Variants in ADGRL3 observed in about 807,000 individuals in gnomAD.
The protein encoded by ADGRL3 is calcium-independent alpha-latrotoxin receptor 3.
In ADGRL3, 62 loss-of-function variants were observed where a neutral mutation model predicts 153.5. The ratio of observed to expected loss-of-function variants is 0.40; its 90% CI spans 0.33 to 0.50. The LOEUF is 0.50. Among genes scored for constraint, ADGRL3 ranks in the 20% least tolerant of loss-of-function variants. The pLI is 0.47. For missense variants in ADGRL3, 1,641 were observed against 1,859.4 expected (o/e 0.88, Z 2.16); for synonymous variants, 710 against 672.5 (o/e 1.06, Z -0.86).
rs79357631 is a variant in ADGRL3 at position 61,282,221 on chromosome 4, C to T, written c.-240+80456C>T. 2.6e-5 allele frequency among the ~76,000 whole-genome samples: 4 copies of T among 152,102 alleles called. No individual in the cohort carries two copies. The East Asian group carries it at 7.7e-4, about 29-fold the overall frequency. On this transcript the variant is annotated intron_variant, in intron 1 of 26. Coordinates refer to ENST00000683033, the MANE Select transcript of ADGRL3 (RefSeq NM_001387552.1). ...CTTCATGAGTAGTCTGTAAAGAATGCTATTTATATGCTTTCATTCTTTCTC... is the reference window on the plus strand; with the variant it reads ...CTTCATGAGTAGTCTGTAAAGAATGTTATTTATATGCTTTCATTCTTTCTC...
chr4:61,609,424 T>C (rs1167693004), intron 5 of ADGRL3, among the ~76,000 whole-genome samples: 2 of 152,128 alleles, frequency 1.3e-5, no homozygotes, highest in Non-Finnish European at 2.9e-5. Context: ...CATAAAGTCA[T>C]TTATGAGTAA....
intron 1 of ADGRL3, among the ~76,000 whole-genome samples, chr4:61,367,006 G>T (rs965014364): frequency 1.1e-4 from 16 of 152,110 alleles, no homozygotes; most frequent in Non-Finnish European, 1.9e-4. Flanking sequence ...GAATGAAAAT[G>T]ATTGTAAACA....
At chr4:61,514,807 C>T (rs895269249) in intron 3 of ADGRL3, among the ~76,000 whole-genome samples, 5 of 152,136 alleles carry the variant, frequency 3.3e-5, no homozygotes, top group African/African-American at 1.2e-4. Context: ...CTTTCTAGAT[C>T]CCTAAGAGTT....
Position 61,702,158 on chromosome 4 carries a change from C to T in ADGRL3, c.583+25223C>T, listed in dbSNP as rs188279611. 2.7e-3 allele frequency among the ~76,000 whole-genome samples: 408 copies of T among 152,234 alleles called. 11 individuals carry two copies. The highest frequency in any genetic ancestry group is 3.4e-3 in the Middle Eastern group (1 of 294). ...ATACCAGGCCATTCCTGTCAAATTT[C>T]GTTCTGCTAAATACTCCAGTTCCTT... On this transcript the variant is annotated intron_variant, in intron 6 of 26. Transcript: ENST00000683033.
intron 6 of ADGRL3, among the ~76,000 whole-genome samples, chr4:61,689,969 T>C (rs73825923): frequency 0.025 from 3,876 of 152,250 alleles, 102 homozygotes; most frequent in East Asian, 0.071. Context: ...AATTTGCTTT[T>C]ATGTTCACTA....
intron 5 of ADGRL3, among the ~76,000 whole-genome samples, chr4:61,593,901 T>G (rs2098979295): frequency 6.6e-6 from 1 of 152,086 alleles, no homozygotes; most frequent in East Asian, 1.9e-4. Context: ...CCCTTGTCTC[T>G]GTCTCTTTCT....
intron 25 of ADGRL3, among the ~76,000 whole-genome samples, chr4:62,058,385 A>G (rs576189211): frequency 3.0e-4 from 46 of 152,324 alleles, no homozygotes; most frequent in African/African-American, 1.1e-3. Flanking sequence ...TACTAAAATT[A>G]TAAGACTACT....
At chr4:61,279,417 C>G (rs1367425122) in intron 1 of ADGRL3, among the ~76,000 whole-genome samples, 2 of 152,130 alleles carry the variant, frequency 1.3e-5, no homozygotes, top group African/African-American at 2.4e-5. Context: ...TTCATCCATT[C>G]AAAATATGTT....
At chr4:61,209,503 A>G (rs1738890289) in intron 1 of ADGRL3, among the ~76,000 whole-genome samples, 2 of 152,178 alleles carry the variant, frequency 1.3e-5, no homozygotes, top group East Asian at 1.9e-4. Context: ...ATCAAATATC[A>G]TTTTCTTAAT....
intron 5 of ADGRL3, among the ~76,000 whole-genome samples, chr4:61,600,996 G>A (rs969993617): frequency 3.3e-5 from 5 of 151,940 alleles, no homozygotes; most frequent in Non-Finnish European, 4.4e-5. Flanking sequence ...GAAATTGGGG[G>A]CATTTTTTTT....
At chr4:61,891,139 G>A (rs113107611) in intron 9 of ADGRL3, among the ~76,000 whole-genome samples, 2 of 152,086 alleles carry the variant, frequency 1.3e-5, no homozygotes, top group African/African-American at 4.8e-5. Flanking sequence ...TTGCCATTTT[G>A]CTCTGCTACT....
intron 19 of ADGRL3, among the ~76,000 whole-genome samples, chr4:61,989,908 G>T (rs1457578945): frequency 6.6e-6 from 1 of 151,992 alleles, no homozygotes; most frequent in Admixed American, 6.6e-5. Context: ...CATTGTTGAA[G>T]ATGTGGAAAA....
At chr4:61,591,683 G>T (rs1410005170) in intron 5 of ADGRL3, among the ~76,000 whole-genome samples, 1 of 151,926 alleles carries the variant, frequency 6.6e-6, no homozygotes, top group Admixed American at 6.6e-5. Flanking sequence ...AATGTACAAA[G>T]TAGGAGTATT....
At chr4:61,871,279 G>GA (rs538933011) in intron 9 of ADGRL3, among the ~76,000 whole-genome samples, 11,466 of 124,718 alleles carry the variant, frequency 0.092, 507 homozygotes, top group African/African-American at 0.14. Context: ...CTCCATCTCA[G>GA]AAAAAAAAAA....
chr4:61,716,741 C>T (rs938157332), intron 6 of ADGRL3, among the ~76,000 whole-genome samples: 17 of 152,112 alleles, frequency 1.1e-4, no homozygotes, highest in Admixed American at 3.9e-4. Flanking sequence ...CCAAATCCTC[C>T]AAATGCATAA....
chr4:61,204,568 A>G (rs1237071430), intron 1 of ADGRL3, among the ~76,000 whole-genome samples: 2 of 152,154 alleles, frequency 1.3e-5, no homozygotes, highest in Non-Finnish European at 2.9e-5. Context: ...GTGTCAGTGT[A>G]TTGTGCTGTC....
intron 5 of ADGRL3, 36 bp from the exon 6 acceptor site, chr4:61,676,790 A>G (rs2150906897): frequency 1.5e-6 from 2 of 1,360,750 alleles, no homozygotes; most frequent in African/African-American, 1.4e-5. Context: ...AACTTTGCAT[A>G]AGCTTACTAC....
At chr4:61,553,538 G>A (rs2098750148) in intron 4 of ADGRL3, among the ~76,000 whole-genome samples, 1 of 152,044 alleles carries the variant, frequency 6.6e-6, no homozygotes, top group African/African-American at 2.4e-5. Context: ...CAGCCTCCAA[G>A]TTATGAGCCA....
chr4:61,660,351 A>T (rs953635659), intron 5 of ADGRL3, among the ~76,000 whole-genome samples: 5 of 152,138 alleles, frequency 3.3e-5, no homozygotes, highest in Non-Finnish European at 5.9e-5. Context: ...TTGCTTGCAC[A>T]ATTGTTACTT....
Sources: allele counts gnomAD v4.1 joint callset (sites outside exome capture counted in the v4.1 genomes callset), GRCh38; gene constraint gnomAD v4.1.1; transcripts MANE v1.5; gene names NCBI Gene and HGNC (gene_info 2026-07-23, HGNC 2026-07-21).